Variants in CTNND1 observed in about 807,000 individuals in gnomAD.
CTNND1 encodes catenin delta-1.
CTNND1 carries 16 observed loss-of-function variants against 112.1 expected under a neutral mutation model. The ratio of observed to expected loss-of-function variants is 0.14; its 90% CI spans 0.10 to 0.22. CTNND1 has a LOEUF of 0.22. CTNND1 is among the 10% of genes least tolerant of loss of function. The probability of loss-of-function intolerance (pLI) is 1.00; values close to 1 mark genes in which losing one functional copy is unlikely to be tolerated. For synonymous variants in CTNND1, 420 were observed against 446.5 expected, an observed-to-expected ratio of 0.94 and a Z score of 0.75; for missense variants, 1,008 against 1,257.0, an observed-to-expected ratio of 0.80 and a Z score of 3.00.
intron 19 of CTNND1, 54 bp downstream of exon 19, chr11:57,815,554 C>A: frequency 7.1e-7 from 1 of 1,409,098 alleles, no homozygotes; most frequent in Non-Finnish European, 1.0e-6. Context: ...ATTTTGAAGC[C>A]TATGTGTTTT....
At chr11:57,778,507 T>C (rs542777) in intron 1 of CTNND1, among the ~76,000 whole-genome samples, 142,941 of 152,040 alleles carry the variant, frequency 0.94, 67,824 homozygotes, top group East Asian at 1. Context: ...CTCACCCCCT[T>C]CAAACTTTTA....
At position 57,817,425 on chromosome 11, in the gene CTNND1, CT is replaced by C. The variant is rs1356489027; in HGVS notation, c.*1120del. On this transcript the variant is annotated 3_prime_UTR_variant, in exon 21 of 21. Transcript: ENST00000399050. ...CATCTCCTCCCGCCCTTCCATGTGC[CT>C]TTCTTTGCCTCTGCAGTCTCATTTC... 6.6e-6 allele frequency: 1 copy of C among 152,654 alleles called. No homozygotes were observed. Among genetic ancestry groups the C allele is most frequent in the Non-Finnish European group, 1.5e-5 (1 of 68,078 alleles). The allele number at this position is 152,654 out of a possible 1,614,324, so 9.5% of individuals were successfully genotyped here.
At position 57,803,813 on chromosome 11, in the gene CTNND1, A is replaced by T. The variant is rs1328067533; in HGVS notation, c.1604+9A>T. ...ACAGCTGGCTGCCTTAGGTAACAGTAGGGACTTTGAGAATATGAAGATGAA... is the reference window on the plus strand; with the variant it reads ...ACAGCTGGCTGCCTTAGGTAACAGTTGGGACTTTGAGAATATGAAGATGAA... On this transcript the variant is annotated intron_variant, in intron 8 of 20. Transcript: ENST00000399050. 1.3e-6 allele frequency: 2 copies of T among 1,553,324 alleles called. No homozygotes were observed. Among genetic ancestry groups the T allele is most frequent in the African/African-American group, 2.8e-5 (2 of 72,208 alleles).
At chr11:57,768,386 C>CTTTTT (rs10617530) in intron 1 of CTNND1, among the ~76,000 whole-genome samples, 1 of 40,282 alleles carries the variant, frequency 2.5e-5, no homozygotes, top group Non-Finnish European at 4.9e-5. Context: ...GGACATCATC[C>CTTTTT]TTTTTTTTTT....
chr11:57,800,051 G>A (rs1398387307), intron 6 of CTNND1, among the ~76,000 whole-genome samples: 8 of 135,554 alleles, frequency 5.9e-5, no homozygotes, highest in Admixed American at 1.8e-4. Context: ...GCAGTGGTGC[G>A]ATCTGGTATT....
chr11:57,809,254 C>G lies in CTNND1; in HGVS notation c.2243-20C>G, dbSNP rs2063060201. 1 of 1,589,904 alleles carries G rather than the reference C, an allele frequency of 6.3e-7. No individual in the cohort carries two copies. On this transcript the variant is annotated intron_variant, in intron 14 of 20. Coordinates refer to ENST00000399050, the MANE Select transcript of CTNND1 (RefSeq NM_001085458.2). ...GACCTGACTTGATCTTTTCTCCCTGCATACATTCTTTCTTACTAGGTAAAC... is the reference window on the plus strand; with the variant it reads ...GACCTGACTTGATCTTTTCTCCCTGGATACATTCTTTCTTACTAGGTAAAC...
At position 57,818,413 on chromosome 11, in the gene CTNND1, A is replaced by G. The variant is rs1809045703; in HGVS notation, c.*2105A>G. On this transcript the variant is annotated 3_prime_UTR_variant, in exon 21 of 21. Coordinates refer to ENST00000399050, the MANE Select transcript of CTNND1 (RefSeq NM_001085458.2). ...TTGTTAATGCTTTTAAAAACAAATG[A>G]GTTTTTTATATAAATAAAGTTTTTA... The G allele has an allele frequency of 6.6e-6, 1 of 152,132 alleles. No homozygotes were observed. The highest frequency in any genetic ancestry group is 2.1e-4 in the South Asian group (1 of 4,814). 9.4% of individuals were successfully genotyped at this position (152,132 alleles called of 1,614,324 possible). A position where few individuals can be genotyped will look rare whatever the true frequency, so the allele number is the denominator to read the frequency against.
chr11:57,791,489 CAG>C lies in CTNND1; in HGVS notation c.14_15del (p.Glu5GlyfsTer19). 1 of 1,544,612 alleles carries C rather than the reference CAG, an allele frequency of 6.5e-7. No homozygotes were observed. Among genetic ancestry groups the C allele is most frequent in the Non-Finnish European group, 8.7e-7 (1 of 1,144,346 alleles). ...CCGCCCCTTACCTTCATGGACGACT[CAG>C]AGGTGGAGTCGACCGCCAGCATCTT... On this transcript the variant is annotated frameshift_variant, in exon 3 of 21. Coordinates refer to ENST00000399050, the MANE Select transcript of CTNND1 (RefSeq NM_001085458.2). LOFTEE classifies it high-confidence loss of function.
chr11:57,816,189 C>A, intron 20 of CTNND1, 108 bp from the exon 21 acceptor site: 1 of 1,394,346 alleles, frequency 7.2e-7, no homozygotes, highest in Non-Finnish European at 1.0e-6. Context: ...TGATCTGATT[C>A]TCCGTTATGT....
chr11:57,814,255 G>A, intron 17 of CTNND1, 56 bp from the exon 18 acceptor site: 1 of 1,291,384 alleles, frequency 7.7e-7, no homozygotes. Flanking sequence ...TTTTCATGAT[G>A]TGTACAGATT....
intron 20 of CTNND1, 56 bp from the exon 21 acceptor site, chr11:57,816,241 G>C: frequency 6.2e-7 from 1 of 1,608,452 alleles, no homozygotes; most frequent in South Asian, 1.1e-5. Flanking sequence ...TTTTTGGGGG[G>C]GGTCTCCTTA....
At chr11:57,809,803 G>A (rs554372464) in intron 15 of CTNND1, among the ~76,000 whole-genome samples, 1 of 152,248 alleles carries the variant, frequency 6.6e-6, no homozygotes, top group African/African-American at 2.4e-5. Flanking sequence ...TCCACCTCCC[G>A]GGTTCAAGTG....
intron 6 of CTNND1, among the ~76,000 whole-genome samples, chr11:57,800,648 A>T (rs188878272): frequency 6.6e-6 from 1 of 152,282 alleles, no homozygotes; most frequent in East Asian, 1.9e-4. Context: ...TGCATAGTTG[A>T]TGTTGATACC....
At chr11:57,806,332 T>C in intron 10 of CTNND1, 129 bp from the exon 11 acceptor site, 1 of 953,078 alleles carries the variant, frequency 1.0e-6, no homozygotes, top group Non-Finnish European at 1.6e-6. Context: ...CCTTTGCATT[T>C]TCTGTGTTTT....
chr11:57,816,532 C>A lies in CTNND1; in HGVS notation c.*224C>A. 1 of 584,314 alleles carries A rather than the reference C, an allele frequency of 1.7e-6. No homozygotes were observed. Among genetic ancestry groups the A allele is most frequent in the East Asian group, 2.8e-5 (1 of 35,490 alleles). The allele number at this position is 584,314 out of a possible 1,614,324, so 36.2% of individuals were successfully genotyped here. ...CCCCTCCCCCATTCCCTCCATTTTT[C>A]TCCCAAGAAACCTGACTCAATTATT... is the stretch of plus-strand genomic sequence containing the variant. On this transcript the variant is annotated 3_prime_UTR_variant, in exon 21 of 21. Transcript: ENST00000399050.
At position 57,791,510 on chromosome 11, in the gene CTNND1, G is replaced by A. The variant is rs2060743601; in HGVS notation, c.32G>A (p.Ser11Asn). ...GACTCAGAGGTGGAGTCGACCGCCA[G>A]CATCTTGGCCTCTGTGAAGGAACAA... MDDSEVESTA[S>N]ILASVKEQEA... is the part of the protein sequence containing the mutation. Residue 11 changes from serine (S) to asparagine (N), a missense_variant, in exon 3 of 21, where the codon AGC becomes AAC. Around this residue, in one of 5 missense-constraint regions of CTNND1, gnomAD observed 404 missense variants for 457.9 expected, o/e 0.88. Coordinates refer to ENST00000399050, the MANE Select transcript of CTNND1 (RefSeq NM_001085458.2). The A allele has an allele frequency of 6.3e-7, 1 of 1,579,810 alleles. No homozygotes were observed. Among genetic ancestry groups the A allele is most frequent in the Non-Finnish European group, 8.6e-7 (1 of 1,162,514 alleles).
chr11:57,780,383 A>G (rs2059445984), intron 1 of CTNND1, among the ~76,000 whole-genome samples: 1 of 152,132 alleles, frequency 6.6e-6, no homozygotes, highest in Non-Finnish European at 1.5e-5. Flanking sequence ...CCCAGGAAAC[A>G]TAGAAAATTC....
chr11:57,812,993 AC>A (rs779194850), intron 17 of CTNND1, among the ~76,000 whole-genome samples: 18 of 152,234 alleles, frequency 1.2e-4, no homozygotes, highest in African/African-American at 1.7e-4. Context: ...GTTTTGAAAA[AC>A]TTTTATTTGC....
At chr11:57,789,559 A>T (rs1011834794) in intron 2 of CTNND1, among the ~76,000 whole-genome samples, 2 of 152,230 alleles carry the variant, frequency 1.3e-5, no homozygotes, top group African/African-American at 4.8e-5. Context: ...GTAAAAAGAT[A>T]GTCTATTTAA....
Sources: gnomAD v4.1 joint callset for allele counts (sites outside exome capture counted in the v4.1 genomes callset) on GRCh38, gnomAD v4.1.1 for gene constraint, gnomAD v4.1.1 regional missense constraint, MANE v1.5 for transcripts, NCBI Gene and HGNC (gene_info 2026-07-23, HGNC 2026-07-21) for gene names.